MAN1A1: variants seen among roughly 807,000 people sequenced by gnomAD.
MAN1A1 encodes mannosyl-oligosaccharide 1,2-alpha-mannosidase IA.
In MAN1A1, 29 loss-of-function variants were observed where a neutral mutation model predicts 70.8. The ratio of observed to expected loss-of-function variants is 0.41; its 90% CI spans 0.31 to 0.56. The LOEUF (loss-of-function observed/expected upper bound fraction) is 0.56. Among genes scored for constraint, MAN1A1 ranks in the 20% least tolerant of loss-of-function variants. The probability of loss-of-function intolerance (pLI) is 0.29; values close to 1 mark genes in which losing one functional copy is unlikely to be tolerated. For missense variants in MAN1A1, 747 were observed against 841.3 expected, an observed-to-expected ratio of 0.89 and a Z score of 1.39; for synonymous variants, 349 against 330.1, an observed-to-expected ratio of 1.06 and a Z score of -0.62.
At chr6:119,300,507 A>T (rs11153806) in intron 4 of MAN1A1, among the ~76,000 whole-genome samples, 1 of 151,498 alleles carries the variant, frequency 6.6e-6, no homozygotes, top group Non-Finnish European at 1.5e-5. Context: ...AACTGCCTCG[A>T]CCTCCCAAAG....
chr6:119,215,690 TAAC>T (rs1336799892), intron 6 of MAN1A1, among the ~76,000 whole-genome samples: 2 of 152,222 alleles, frequency 1.3e-5, no homozygotes, highest in Non-Finnish European at 2.9e-5. Flanking sequence ...TTAAGTATAA[TAAC>T]AATATTTTTT....
intron 2 of MAN1A1, among the ~76,000 whole-genome samples, chr6:119,318,388 G>A (rs1005652536): frequency 6.6e-6 from 1 of 152,130 alleles, no homozygotes; most frequent in Non-Finnish European, 1.5e-5. Context: ...GGTGGAGGTT[G>A]GCTATGAACT....
chr6:119,346,532 T>TC (rs1314998930), intron 2 of MAN1A1, among the ~76,000 whole-genome samples: 10 of 152,226 alleles, frequency 6.6e-5, no homozygotes, highest in Non-Finnish European at 1.2e-4. Context: ...TGCTAAGATG[T>TC]TAGACAGAGA....
At chr6:119,349,813 G>C, upstream of MAN1A1, 1 of 939,170 alleles carries the variant, frequency 1.1e-6, no homozygotes, top group Non-Finnish European at 1.3e-6. Flanking sequence ...CGACGCGGCC[G>C]GAGAGTGACG....
At chr6:119,245,297 A>G (rs180705230) in intron 6 of MAN1A1, among the ~76,000 whole-genome samples, 1 of 152,276 alleles carries the variant, frequency 6.6e-6, no homozygotes, top group East Asian at 1.9e-4. Context: ...TTTGCCAGAT[A>G]TATGTTTCCC....
chr6:119,198,965 C>T (rs1773645308), intron 8 of MAN1A1, among the ~76,000 whole-genome samples: 1 of 152,122 alleles, frequency 6.6e-6, no homozygotes, highest in Non-Finnish European at 1.5e-5. Flanking sequence ...AATGAATTTT[C>T]GTATTGTTAC....
intron 6 of MAN1A1, among the ~76,000 whole-genome samples, chr6:119,216,398 A>G (rs1026236376): frequency 6.6e-6 from 1 of 152,124 alleles, no homozygotes; most frequent in Non-Finnish European, 1.5e-5. Flanking sequence ...GATGTTCGGG[A>G]GGTAAGAGTT....
Position 119,203,723 on chromosome 6 carries a change from T to G in MAN1A1, c.1116+1036A>C, listed in dbSNP as rs558986338. 2.0e-5 allele frequency among the ~76,000 whole-genome samples: 3 copies of G among 152,102 alleles called. No individual in the cohort carries two copies. The South Asian group carries it at 6.2e-4, about 32-fold the overall frequency. On this transcript the variant is annotated intron_variant, in intron 7 of 12. Coordinates refer to ENST00000368468, the MANE Select transcript of MAN1A1 (RefSeq NM_005907.4). ...GACCACTGGGTACAGTGAGATGTCA[T>G]TTACCAAGATAGCAAAGACTGGAGA...
intron 4 of MAN1A1, among the ~76,000 whole-genome samples, chr6:119,292,055 C>CCTGATTCAG (rs1772045949): frequency 6.6e-6 from 1 of 151,930 alleles, no homozygotes; most frequent in Admixed American, 6.6e-5. Flanking sequence ...TACTGTGGCT[C>CCTGATTCAG]CTGATTCAGG....
At chr6:119,209,092 A>C (rs79716049) in intron 6 of MAN1A1, among the ~76,000 whole-genome samples, 25 of 143,294 alleles carry the variant, frequency 1.7e-4, no homozygotes, top group African/African-American at 1.7e-4. Context: ...CCCCGTCTCA[A>C]AAAAAAAAAA....
intron 2 of MAN1A1, among the ~76,000 whole-genome samples, chr6:119,314,503 C>T (rs1248194032): frequency 6.6e-6 from 1 of 152,166 alleles, no homozygotes; most frequent in Admixed American, 6.5e-5. Flanking sequence ...GTATTATTAT[C>T]CCTGTTTTAC....
At position 119,320,656 on chromosome 6, in the gene MAN1A1, G is replaced by A. The variant is rs116709737; in HGVS notation, c.604-13664C>T. On this transcript the variant is annotated intron_variant, in intron 2 of 12. Transcript: ENST00000368468. ...CAAAAAAAAAAAGAGGTATGTGGTC[G>A]GGGTTCCAGGATTCACTCAGAAAAC... 5.0e-3 allele frequency among the ~76,000 whole-genome samples: 761 copies of A among 152,026 alleles called. 6 individuals are homozygous for A. Among genetic ancestry groups the A allele is most frequent in the African/African-American group, 0.017 (721 of 41,490 alleles).
At chr6:119,271,561 G>A (rs1369187277) in intron 5 of MAN1A1, among the ~76,000 whole-genome samples, 4 of 151,570 alleles carry the variant, frequency 2.6e-5, no homozygotes, top group East Asian at 1.9e-4. Flanking sequence ...GTGCAGTGGC[G>A]TGATCTCAGC....
chr6:119,322,500 G>A (rs930331902), intron 2 of MAN1A1, among the ~76,000 whole-genome samples: 5 of 152,228 alleles, frequency 3.3e-5, no homozygotes, highest in Middle Eastern at 3.4e-3. Flanking sequence ...GGACCCTCTA[G>A]TCACTGGTCC....
intron 6 of MAN1A1, among the ~76,000 whole-genome samples, chr6:119,206,586 A>G (rs947868563): frequency 4.6e-5 from 7 of 152,210 alleles, no homozygotes; most frequent in Admixed American, 4.6e-4. Context: ...TATTTTACAA[A>G]ATGCCCTAAA....
In MAN1A1 at chr6:119,179,802, A is replaced by G; in HGVS notation, c.*17T>C. On this transcript the variant is annotated 3_prime_UTR_variant, in exon 13 of 13. Coordinates refer to ENST00000368468, the MANE Select transcript of MAN1A1 (RefSeq NM_005907.4). ...ACAGTGAAGGGAATGGAGCAGAATA[A>G]AATATAAAATGTCTTTTTATTCCTC... 1 of 1,606,798 alleles carries G rather than the reference A, an allele frequency of 6.2e-7. No individual in the cohort carries two copies. Among genetic ancestry groups the G allele is most frequent in the Non-Finnish European group, 8.5e-7 (1 of 1,173,916 alleles).
chr6:119,204,595 T>C (rs1368822344), intron 7 of MAN1A1, among the ~76,000 whole-genome samples, 164 bp downstream of exon 7: 3 of 152,194 alleles, frequency 2.0e-5, no homozygotes, highest in Non-Finnish European at 4.4e-5. Context: ...AGGCTGTAGG[T>C]TTACAGTTTG....
intron 9 of MAN1A1, among the ~76,000 whole-genome samples, chr6:119,190,427 T>C (rs1773413312): frequency 6.6e-6 from 1 of 152,162 alleles, no homozygotes; most frequent in Admixed American, 6.5e-5. Flanking sequence ...TATCTCTAAT[T>C]TGTGGGAGTG....
At chr6:119,256,546 A>G (rs777808732) in intron 5 of MAN1A1, among the ~76,000 whole-genome samples, 1 of 152,066 alleles carries the variant, frequency 6.6e-6, no homozygotes, top group Non-Finnish European at 1.5e-5. Context: ...TGTTCAGGGC[A>G]TGGATATCAC....
Sources: allele counts gnomAD v4.1 joint callset (sites outside exome capture counted in the v4.1 genomes callset), GRCh38; gene constraint gnomAD v4.1.1; transcripts MANE v1.5; gene names NCBI Gene and HGNC (gene_info 2026-07-23, HGNC 2026-07-21).